PRKG2: variants seen among roughly 807,000 people sequenced by gnomAD.
The protein encoded by PRKG2 is protein kinase cGMP-dependent 2, also known as cGMP-dependent protein kinase 2.
Under a neutral mutation model 97.2 loss-of-function variants are expected in PRKG2, and 33 were observed. That is an observed-to-expected ratio of 0.34 (90% CI 0.26 to 0.45). The LOEUF (loss-of-function observed/expected upper bound fraction) is 0.45. PRKG2 is among the 20% of genes least tolerant of loss of function. PRKG2 has a pLI of 1.00. For missense variants in PRKG2, 638 were observed against 900.0 expected, an observed-to-expected ratio of 0.71 and a Z score of 3.73; for synonymous variants, 330 against 321.8, an observed-to-expected ratio of 1.03 and a Z score of -0.27.
intron 14 of PRKG2, among the ~76,000 whole-genome samples, chr4:81,121,725 ACT>A (rs1745089905): frequency 6.7e-6 from 1 of 149,342 alleles, no homozygotes; most frequent in South Asian, 2.1e-4. Context: ...TCACTCTTTC[ACT>A]CTTTTTTTTT....
intron 13 of PRKG2, among the ~76,000 whole-genome samples, chr4:81,136,765 T>C (rs1746745929): frequency 6.6e-6 from 1 of 152,168 alleles, no homozygotes; most frequent in South Asian, 2.1e-4. Flanking sequence ...ATCACTTAGT[T>C]TTCTCACTAA....
chr4:81,197,199 G>A (rs1394172612), intron 2 of PRKG2, among the ~76,000 whole-genome samples: 3 of 152,082 alleles, frequency 2.0e-5, no homozygotes, highest in South Asian at 2.1e-4. Context: ...TCTCAATGAC[G>A]CTATTTCTAC....
chr4:81,089,875 T>G (rs1480048226), intron 18 of PRKG2, 72 bp from the exon 19 acceptor site: 37 of 1,251,388 alleles, frequency 3.0e-5, no homozygotes, highest in Middle Eastern at 1.9e-4. Context: ...TGGGTAATGT[T>G]TTTTATTTCA....
chr4:81,147,241 T>C (rs1747944427), intron 9 of PRKG2, among the ~76,000 whole-genome samples: 1 of 150,480 alleles, frequency 6.6e-6, no homozygotes, highest in African/African-American at 2.4e-5. Flanking sequence ...AAAAAAGAAA[T>C]GAGCTCCTCC....
At chr4:81,195,981 C>T (rs980526273) in intron 2 of PRKG2, among the ~76,000 whole-genome samples, 15 of 152,116 alleles carry the variant, frequency 9.9e-5, no homozygotes, top group South Asian at 2.1e-4. Flanking sequence ...GCAATGATGA[C>T]GGAAGGCCAT....
intron 2 of PRKG2, among the ~76,000 whole-genome samples, chr4:81,199,159 T>C (rs923732839): frequency 6.6e-6 from 1 of 152,136 alleles, no homozygotes; most frequent in African/African-American, 2.4e-5. Flanking sequence ...AATCTAGGTA[T>C]AGAGCCTCTC....
chr4:81,169,057 TAC>T (rs1560598658), intron 5 of PRKG2, among the ~76,000 whole-genome samples: 3 of 152,030 alleles, frequency 2.0e-5, no homozygotes, highest in South Asian at 4.1e-4. Context: ...TTTTTTCACT[TAC>T]ACAGACATTT....
intron 17 of PRKG2, among the ~76,000 whole-genome samples, chr4:81,104,095 T>C (rs999002068): frequency 3.3e-5 from 5 of 152,090 alleles, no homozygotes; most frequent in South Asian, 4.1e-4. Flanking sequence ...CAGAAGTGGA[T>C]AAAAAGTTAA....
At chr4:81,199,755 T>C (rs574379916) in intron 2 of PRKG2, among the ~76,000 whole-genome samples, 42 of 152,236 alleles carry the variant, frequency 2.8e-4, no homozygotes, top group Non-Finnish European at 4.1e-4. Flanking sequence ...AGTACTGCTT[T>C]GGAAAGGAAG....
At chr4:81,145,062 A>G (rs943175660) in intron 9 of PRKG2, among the ~76,000 whole-genome samples, 9 of 152,106 alleles carry the variant, frequency 5.9e-5, no homozygotes, top group African/African-American at 1.4e-4. Context: ...GTGCCGCAAT[A>G]AACATACATG....
In PRKG2 at chr4:81,204,982, G is replaced by A. The variant is rs761757093; in HGVS notation, c.66C>T (p.Thr22=). The change falls in exon 2 of 19, where the codon ACC becomes ACT. Residue 22 remains threonine, a synonymous_variant. Transcript: ENST00000264399. ...TCACCTTGTTCCGCAGAGCATCAGT[G>A]GTGAGGTTCCCAGAGTGTCCATCTG... The part of the protein sequence containing the change: ...KHPDGHSGNL[T]TDALRNKVTE... The A allele has an allele frequency of 1.9e-6, 3 of 1,614,040 alleles. No homozygotes were observed. Among genetic ancestry groups the A allele is most frequent in the Non-Finnish European group, 2.5e-6 (3 of 1,179,996 alleles).
At chr4:81,119,909 T>C (rs901999408) in intron 14 of PRKG2, among the ~76,000 whole-genome samples, 1 of 152,076 alleles carries the variant, frequency 6.6e-6, no homozygotes, top group Admixed American at 6.6e-5. Flanking sequence ...CTCCTGACCT[T>C]GTGATCCGCC....
intron 6 of PRKG2, among the ~76,000 whole-genome samples, chr4:81,164,495 A>C (rs1207903384): frequency 6.6e-6 from 1 of 152,138 alleles, no homozygotes; most frequent in Non-Finnish European, 1.5e-5. Context: ...AAGGACTACA[A>C]GAAAGACTAG....
chr4:81,091,821 A>G (rs1464845419), intron 18 of PRKG2, among the ~76,000 whole-genome samples: 1 of 152,146 alleles, frequency 6.6e-6, no homozygotes, highest in Non-Finnish European at 1.5e-5. Context: ...GAGCTGCACT[A>G]TCCAATAACA....
At chr4:81,200,240 C>T (rs538165213) in intron 2 of PRKG2, among the ~76,000 whole-genome samples, 108 of 152,328 alleles carry the variant, frequency 7.1e-4, no homozygotes, top group African/African-American at 2.6e-3. Flanking sequence ...CCTGCCCTCT[C>T]TGCCAGTGAT....
At chr4:81,173,921 C>A (rs1425658518) in intron 3 of PRKG2, 3 of 152,008 alleles carry the variant, frequency 2.0e-5, no homozygotes, top group Non-Finnish European at 4.4e-5. Context: ...CCATTCATCA[C>A]TCCTTCTGGG....
At chr4:81,164,249 T>C (rs1002044391) in intron 6 of PRKG2, among the ~76,000 whole-genome samples, 3 of 152,138 alleles carry the variant, frequency 2.0e-5, no homozygotes, top group African/African-American at 4.8e-5. Flanking sequence ...AGAGATGATA[T>C]GCTAAAGCCT....
chr4:81,098,322 G>GTTAATGC (rs1553917226), intron 17 of PRKG2, among the ~76,000 whole-genome samples: 3 of 151,402 alleles, frequency 2.0e-5, no homozygotes, highest in African/African-American at 7.3e-5. Context: ...GATCGTGTGA[G>GTTAATGC]TTAATAAACT....
chr4:81,204,563 T>A, intron 2 of PRKG2, 24 bp downstream of exon 2: 1 of 1,593,462 alleles, frequency 6.3e-7, no homozygotes, highest in Non-Finnish European at 8.6e-7. Context: ...CCATCTGAGT[T>A]TAAAGGATGC....
Sources: gnomAD v4.1 joint callset for allele counts (sites outside exome capture counted in the v4.1 genomes callset) on GRCh38, gnomAD v4.1.1 for gene constraint, MANE v1.5 for transcripts, NCBI Gene and HGNC (gene_info 2026-07-23, HGNC 2026-07-21) for gene names.